Variants in ZSCAN25 observed in about 807,000 individuals in gnomAD.
The protein encoded by ZSCAN25 is zinc finger and SCAN domain containing 25.
Under a neutral mutation model 38.7 loss-of-function variants are expected in ZSCAN25, and 27 were observed. The observed-to-expected ratio is 0.70, with a 90% confidence interval of 0.51 to 0.96. The LOEUF (loss-of-function observed/expected upper bound fraction) is 0.96, where lower values mean the gene tolerates loss of function less well. Ranked by LOEUF, ZSCAN25 falls within the 40% of genes least tolerant of loss-of-function variation. ZSCAN25 has a pLI of 0.00. For missense variants in ZSCAN25, 637 were observed against 705.9 expected, an observed-to-expected ratio of 0.90 and a Z score of 1.11; for synonymous variants, 273 against 277.7, an observed-to-expected ratio of 0.98 and a Z score of 0.17.
chr7:99,653,968 G>C, the ZSCAN25 span, among the ~76,000 whole-genome samples: 234 of 152,254 alleles, frequency 1.5e-3, no homozygotes, highest in African/African-American at 5.2e-3. The surrounding 1 kb of genome is among the most constrained non-coding windows in gnomAD (Gnocchi z 4.2). Context: ...CGCCCCCAGG[G>C]CCAGGCTACC....
the ZSCAN25 span, chr7:99,714,487 G>A: frequency 2.2e-5 from 35 of 1,594,732 alleles, no homozygotes; most frequent in East Asian, 9.1e-5. Context: ...GAAGTGCACC[G>A]ATCATATGTA....
At chr7:99,627,155 G>A (rs1790113624) in intron 7 of ZSCAN25, among the ~76,000 whole-genome samples, 1 of 152,178 alleles carries the variant, frequency 6.6e-6, no homozygotes, top group Non-Finnish European at 1.5e-5. Flanking sequence ...GGAATGATAT[G>A]GAAGTTGGAG....
the ZSCAN25 span, chr7:99,684,879 C>G: frequency 3.2e-5 from 9 of 280,172 alleles, no homozygotes; most frequent in East Asian, 6.0e-4. Context: ...CTAGGGGTGG[C>G]TGAGATTGTC....
chr7:99,631,429 A>C lies in ZSCAN25; in HGVS notation c.*1409A>C. 1 of 985,424 alleles carries C rather than the reference A, an allele frequency of 1.0e-6. No individual in the cohort carries two copies. The highest frequency in any genetic ancestry group is 1.2e-6 in the Non-Finnish European group (1 of 829,926). 61.0% of individuals were successfully genotyped at this position (985,424 alleles called of 1,614,324 possible). A position where few individuals can be genotyped will look rare whatever the true frequency, so the allele number is the denominator to read the frequency against. On this transcript the variant is annotated 3_prime_UTR_variant, in exon 8 of 8. Transcript: ENST00000394152. ...GTTGAAGCTTCCTTATTGTGCCATC[A>C]CTTAAGGGTTTCATTTCTGTTTAAA...
chr7:99,703,278 A>G, the ZSCAN25 span, among the ~76,000 whole-genome samples: 2 of 152,182 alleles, frequency 1.3e-5, no homozygotes, highest in African/African-American at 4.8e-5. Context: ...CTGGCACAAA[A>G]TGTGTCCTAG....
the ZSCAN25 span, among the ~76,000 whole-genome samples, chr7:99,688,057 C>G: frequency 6.6e-6 from 1 of 152,200 alleles, no homozygotes; most frequent in Non-Finnish European, 1.5e-5. Context: ...GTACCAGCCA[C>G]TGCAAAAACA....
chr7:99,635,339 T>A (rs1389713118), downstream of ZSCAN25, among the ~76,000 whole-genome samples: 1 of 152,170 alleles, frequency 6.6e-6, no homozygotes, highest in Non-Finnish European at 1.5e-5. Context: ...GTTTATAAAT[T>A]CACATAAATA....
the ZSCAN25 span, chr7:99,663,255 G>T: frequency 9.6e-7 from 1 of 1,036,312 alleles, no homozygotes; most frequent in African/African-American, 1.7e-5. Context: ...TTCTTCAGCA[G>T]TGTCCGTATA....
At chr7:99,650,986 A>T in the ZSCAN25 span, among the ~76,000 whole-genome samples, 2 of 152,216 alleles carry the variant, frequency 1.3e-5, no homozygotes, top group African/African-American at 2.4e-5. Context: ...TAAGGAAAAA[A>T]TGTTGATTCA....
chr7:99,703,080 T>C, the ZSCAN25 span, among the ~76,000 whole-genome samples: 2 of 152,236 alleles, frequency 1.3e-5, no homozygotes, highest in Admixed American at 6.5e-5. Flanking sequence ...CTAATTTTTG[T>C]ATGTTGATTT....
chr7:99,726,030 CTGAGA>C, the ZSCAN25 span, among the ~76,000 whole-genome samples: 1 of 152,180 alleles, frequency 6.6e-6, no homozygotes, highest in Non-Finnish European at 1.5e-5. Flanking sequence ...CCTTATTAGG[CTGAGA>C]TATTTTAACC....
At chr7:99,661,511 T>C in the ZSCAN25 span, among the ~76,000 whole-genome samples, 1 of 152,218 alleles carries the variant, frequency 6.6e-6, no homozygotes, top group Admixed American at 6.5e-5. Flanking sequence ...GAAGTTCTTA[T>C]GATTACAGGT....
chr7:99,707,915 C>T, the ZSCAN25 span: 1 of 1,614,006 alleles, frequency 6.2e-7, no homozygotes, highest in Non-Finnish European at 8.5e-7. Flanking sequence ...GTTTCTGGGT[C>T]CACTTCCAAA....
the ZSCAN25 span, among the ~76,000 whole-genome samples, chr7:99,645,151 C>A: frequency 8.5e-5 from 13 of 152,292 alleles, no homozygotes. Context: ...CCACCACATG[C>A]AGCTAATTTT....
At chr7:99,665,375 A>G in the ZSCAN25 span, 4 of 1,594,232 alleles carry the variant, frequency 2.5e-6, no homozygotes, top group Non-Finnish European at 1.7e-6. Flanking sequence ...TCCACTATAC[A>G]TGCAGCAAGA....
intron 4 of ZSCAN25, 192 bp downstream of exon 4, chr7:99,620,185 G>A (rs1215236554): frequency 2.5e-6 from 2 of 798,358 alleles, no homozygotes; most frequent in Non-Finnish European, 3.8e-6. Flanking sequence ...GGGAGATGCT[G>A]CCATGCAGAA....
chr7:99,729,696 C>T, the ZSCAN25 span, among the ~76,000 whole-genome samples: 4 of 152,272 alleles, frequency 2.6e-5, no homozygotes, highest in East Asian at 7.7e-4. Flanking sequence ...CTTCTCTGCA[C>T]AATGAGTCTT....
At chr7:99,668,754 C>T in the ZSCAN25 span, among the ~76,000 whole-genome samples, 1 of 152,202 alleles carries the variant, frequency 6.6e-6, no homozygotes, top group Admixed American at 6.5e-5. Flanking sequence ...CAAGGCAGAG[C>T]GCTGCTGTAC....
the ZSCAN25 span, chr7:99,721,050 C>T: frequency 6.5e-6 from 1 of 153,130 alleles, no homozygotes; most frequent in Non-Finnish European, 1.5e-5. Flanking sequence ...CACACCACTG[C>T]ACCTCTTCCA....
Sources: allele counts gnomAD v4.1 joint callset (sites outside exome capture counted in the v4.1 genomes callset), GRCh38; gene constraint gnomAD v4.1.1; non-coding constraint Gnocchi (gnomAD v3.1); transcripts MANE v1.5; gene names NCBI Gene and HGNC (gene_info 2026-07-23, HGNC 2026-07-21).